The following PATL2 variants were observed in gnomAD, a reference collection of about 807,000 sequenced individuals.
The protein encoded by PATL2 is protein PAT1 homolog 2.
In PATL2, 73 loss-of-function variants were observed where a neutral mutation model predicts 77.0. The ratio of observed to expected loss-of-function variants is 0.95; its 90% confidence interval spans 0.78 to 1.15. PATL2 has a LOEUF of 1.15. Among genes scored for constraint, PATL2 ranks in the 50% most tolerant of loss-of-function variants. The pLI, the probability that PATL2 is intolerant of heterozygous loss-of-function variation, is 0.00. For synonymous variants in PATL2, 265 were observed against 257.1 expected (o/e 1.03, Z -0.29); for missense variants, 618 against 655.4 (o/e 0.94, Z 0.62).
intron 3 of PATL2, among the ~76,000 whole-genome samples, chr15:44,687,659 C>A (rs1289678027): frequency 6.6e-6 from 1 of 152,166 alleles, no homozygotes; most frequent in Non-Finnish European, 1.5e-5. Flanking sequence ...TAGAAAACCC[C>A]ATAGTCTCAG....
chr15:44,683,131 G>C (rs761158981), intron 3 of PATL2, among the ~76,000 whole-genome samples: 8 of 152,306 alleles, frequency 5.3e-5, no homozygotes, highest in Non-Finnish European at 1.2e-4. Context: ...TATGCCACCA[G>C]GGCCTTGGGT....
In PATL2 at chr15:44,686,283, C is replaced by A. The variant is rs186033308; in HGVS notation, c.-75-9718G>T. Among the ~76,000 whole-genome samples the A allele has an allele frequency of 4.3e-3, 661 of 152,118 alleles. 3 individuals are homozygous for A. The highest frequency in any genetic ancestry group is 0.015 in the African/African-American group (640 of 41,496). The stretch of plus-strand genomic sequence containing the variant: ...TCAAAACTGCAAAACTACATGGAAA[C>A]TGAACAACCTGCTCCTGAATGACTA... On this transcript the variant is annotated intron_variant, in intron 3 of 17. Transcript: ENST00000682850.
chr15:44,701,883 AT>A (rs1303601121), intron 3 of PATL2, among the ~76,000 whole-genome samples: 1 of 151,890 alleles, frequency 6.6e-6, no homozygotes, highest in Non-Finnish European at 1.5e-5. Flanking sequence ...ACATGGTAAG[AT>A]TTGGAGCAAG....
chr15:44,667,001 A>G (rs944159583), intron 16 of PATL2, 105 bp downstream of exon 16: 10 of 887,528 alleles, frequency 1.1e-5, no homozygotes, highest in African/African-American at 3.4e-5. Context: ...TCTCTATCCA[A>G]CCTCTTCCTC....
At chr15:44,679,940 C>T (rs925288569) in intron 3 of PATL2, among the ~76,000 whole-genome samples, 32 of 152,146 alleles carry the variant, frequency 2.1e-4, no homozygotes, top group Admixed American at 1.3e-3. Context: ...GTCACCAGAA[C>T]CTGGAGACAG....
chr15:44,691,825 A>T (rs1466902385), intron 3 of PATL2, among the ~76,000 whole-genome samples: 1 of 152,154 alleles, frequency 6.6e-6, no homozygotes, highest in Non-Finnish European at 1.5e-5. Context: ...TAAGATACAA[A>T]GTAAAACAAG....
Position 44,675,670 on chromosome 15 carries a change from G to A in PATL2, c.38C>T (p.Pro13Leu). Residue 13 changes from proline (P) to leucine (L), a missense_variant, in exon 5 of 18, where the codon CCC (proline) becomes CTC (leucine). Physicochemically the swap from Pro to Leu is moderately conservative, Grantham distance 98 (BLOSUM62 -3). Transcript: ENST00000682850. ...CLEGPGKTCG[P>L]LASEEELVSA... ...CACCAGCTCCTCCTCAGAAGCCAAG[G>A]GGCCACAGGTCTTACCTGGCCCTTG... is the stretch of plus-strand genomic sequence containing the variant. The A allele has an allele frequency of 1.3e-6, 2 of 1,550,750 alleles. No homozygotes were observed. The highest frequency in any genetic ancestry group is 1.4e-5 in the African/African-American group (1 of 73,098).
At chr15:44,666,123 G>A (rs1334495233) in intron 17 of PATL2, among the ~76,000 whole-genome samples, 152 bp from the exon 18 acceptor site, 1 of 152,198 alleles carries the variant, frequency 6.6e-6, no homozygotes, top group Non-Finnish European at 1.5e-5. Flanking sequence ...TGTCCCTCAA[G>A]TATTTCTTGA....
At chr15:44,667,631 A>G (rs1423411385) in intron 15 of PATL2, among the ~76,000 whole-genome samples, 1 of 152,204 alleles carries the variant, frequency 6.6e-6, no homozygotes, top group Non-Finnish European at 1.5e-5. Context: ...TCATTCTTTA[A>G]AATTTTCTGT....
chr15:44,709,099 A>G lies in PATL2; in HGVS notation c.-76+997T>C, dbSNP rs563013209. Among the ~76,000 whole-genome samples, 4 of 152,012 alleles carry G rather than the reference A, an allele frequency of 2.6e-5. No homozygotes were observed. In the South Asian group the frequency reaches 8.3e-4, roughly 31 times the overall value. On this transcript the variant is annotated intron_variant, in intron 3 of 17. Coordinates refer to ENST00000682850, the MANE Select transcript of PATL2 (RefSeq NM_001387263.1). ...TTTTTAGTAGAGACAGGGTTTCACC[A>G]TGTTGGCCAGGCTGGTCTCAAACTC... is the stretch of plus-strand genomic sequence containing the variant.
chr15:44,670,173 CTCT>C lies in PATL2; in HGVS notation c.658-89_658-87del, dbSNP rs537260400. 9,538 of 1,492,962 alleles carry C rather than the reference CTCT, an allele frequency of 6.4e-3. 45 individuals are homozygous for C. Among genetic ancestry groups the C allele is most frequent in the Non-Finnish European group, 7.8e-3 (8,682 of 1,118,970 alleles). The allele number at this position is 1,492,962 out of a possible 1,614,324, so 92.5% of individuals were successfully genotyped here. On this transcript the variant is annotated intron_variant, in intron 9 of 17. Transcript: ENST00000682850. ...TAGAATTAAGTTTCTCAAGTGCAGC[CTCT>C]TAAGTTTAGTTTTTTTGTGTGTGTT... is the stretch of plus-strand genomic sequence containing the variant.
At chr15:44,709,924 T>C (rs1288232248) in intron 3 of PATL2, among the ~76,000 whole-genome samples, 172 bp downstream of exon 3, 1 of 152,232 alleles carries the variant, frequency 6.6e-6, no homozygotes, top group Non-Finnish European at 1.5e-5. Flanking sequence ...AGGCCTTTAG[T>C]GCCTTATATG....
intron 3 of PATL2, among the ~76,000 whole-genome samples, chr15:44,677,836 T>A (rs964677521): frequency 1.3e-5 from 2 of 152,100 alleles, no homozygotes; most frequent in Non-Finnish European, 2.9e-5. Context: ...TGAAAGTTAC[T>A]GAAAAACTTC....
intron 17 of PATL2, 98 bp from the exon 18 acceptor site, chr15:44,666,069 G>T: frequency 8.9e-7 from 1 of 1,123,406 alleles, no homozygotes; most frequent in Non-Finnish European, 1.3e-6. Context: ...GTAATTCTGA[G>T]GACAGAGATG....
chr15:44,706,352 G>A (rs1349544324), intron 3 of PATL2, among the ~76,000 whole-genome samples: 1 of 152,200 alleles, frequency 6.6e-6, no homozygotes, highest in Non-Finnish European at 1.5e-5. Context: ...TTTGGTCACT[G>A]CAGCTGTATC....
intron 3 of PATL2, among the ~76,000 whole-genome samples, chr15:44,681,116 G>A (rs2086124828): frequency 6.6e-6 from 1 of 151,990 alleles, no homozygotes; most frequent in African/African-American, 2.4e-5. Context: ...CTGCAAACTT[G>A]AACTTCTGGA....
At chr15:44,694,526 G>C (rs2086462511) in intron 3 of PATL2, among the ~76,000 whole-genome samples, 2 of 151,806 alleles carry the variant, frequency 1.3e-5, no homozygotes, top group Admixed American at 1.3e-4. Context: ...TAAACTCCTT[G>C]TGTGTGTGTC....
intron 3 of PATL2, chr15:44,676,875 G>C (rs942489272): frequency 1.8e-6 from 2 of 1,083,056 alleles, no homozygotes; most frequent in African/African-American, 3.3e-5. Flanking sequence ...CCACCTGACT[G>C]TTGCTGTCCT....
At chr15:44,667,237 T>C (rs1429565686) in intron 15 of PATL2, 34 bp from the exon 16 acceptor site, 1 of 1,476,428 alleles carries the variant, frequency 6.8e-7, no homozygotes, top group Non-Finnish European at 9.3e-7. Context: ...CAGAGCAAAA[T>C]GAGTTCACAC....
Sources: allele counts gnomAD v4.1 joint callset (sites outside exome capture counted in the v4.1 genomes callset), GRCh38; gene constraint gnomAD v4.1.1; transcripts MANE v1.5; gene names NCBI Gene and HGNC (gene_info 2026-07-23, HGNC 2026-07-21).